Variants in ARFGEF2 observed in about 807,000 individuals in gnomAD.
ARFGEF2 encodes ARF guanine nucleotide exchange factor 2, also known as brefeldin A-inhibited guanine nucleotide-exchange protein 2.
A neutral mutation model predicts 219.9 loss-of-function variants in ARFGEF2; 74 were observed. The ratio of observed to expected loss-of-function variants is 0.34; its 90% CI spans 0.28 to 0.41. The LOEUF is 0.41. ARFGEF2 is among the 10% of genes least tolerant of loss of function. ARFGEF2 has a pLI of 1.00. For missense variants in ARFGEF2, 1,743 were observed against 2,218.3 expected, an observed-to-expected ratio of 0.79 and a Z score of 4.30; for synonymous variants, 733 against 799.2, an observed-to-expected ratio of 0.92 and a Z score of 1.40.
At chr20:49,019,071 G>C (rs2091548371) in intron 34 of ARFGEF2, 73 bp downstream of exon 34, 2 of 1,267,384 alleles carry the variant, frequency 1.6e-6, no homozygotes, top group African/African-American at 3.0e-5. Flanking sequence ...AGGCACAAAA[G>C]GGTAAACATG....
intron 3 of ARFGEF2, among the ~76,000 whole-genome samples, chr20:48,946,477 TTA>T (rs35152962): frequency 0.35 from 50,868 of 145,076 alleles, 9,356 homozygotes; most frequent in African/African-American, 0.5. Context: ...CATATCAATT[TTA>T]TATATATATA....
chr20:48,989,252 G>A, intron 18 of ARFGEF2, 33 bp from the exon 19 acceptor site: 1 of 1,613,672 alleles, frequency 6.2e-7, no homozygotes, highest in South Asian at 1.1e-5. Flanking sequence ...CTCAGTGACT[G>A]CTAGCCACAC....
At chr20:49,016,507 A>T in intron 31 of ARFGEF2, 92 bp downstream of exon 31, 2 of 1,362,078 alleles carry the variant, frequency 1.5e-6, no homozygotes, top group Non-Finnish European at 2.1e-6. Flanking sequence ...ATGTAGTGCC[A>T]TGGAGTACAA....
rs190093019 is a variant in ARFGEF2, at chr20:49,006,206, A to G, written c.3584+985A>G. 3.4e-4 allele frequency among the ~76,000 whole-genome samples: 52 copies of G among 152,236 alleles called. 2 individuals carry two copies. The East Asian group carries it at 9.9e-3, about 29-fold the overall frequency. ...CTACTCAGGAGACTGAGGCAGGAGA[A>G]TCGCTTGAACCCGGGAGGTGGAGGT... is the stretch of plus-strand genomic sequence containing the variant. On this transcript the variant is annotated intron_variant, in intron 26 of 38. Coordinates refer to ENST00000371917, the MANE Select transcript of ARFGEF2 (RefSeq NM_006420.3).
chr20:48,955,322 T>G (rs1386905805), intron 6 of ARFGEF2, among the ~76,000 whole-genome samples: 2 of 152,230 alleles, frequency 1.3e-5, no homozygotes, highest in Non-Finnish European at 2.9e-5. Flanking sequence ...CAGTTCAGAC[T>G]GAGAGAGGCT....
At chr20:48,998,653 A>C (rs2091406466) in intron 25 of ARFGEF2, 148 bp downstream of exon 25, 1 of 758,618 alleles carries the variant, frequency 1.3e-6, no homozygotes, top group Admixed American at 2.5e-5. Flanking sequence ...GCTTGATAGG[A>C]GTAATATCAT....
At chr20:48,971,487 C>A in intron 10 of ARFGEF2, 133 bp downstream of exon 10, 2 of 857,012 alleles carry the variant, frequency 2.3e-6, no homozygotes, top group Non-Finnish European at 3.6e-6. Context: ...TGTTTCATAT[C>A]TTACCATCCT....
At chr20:48,953,435 C>A in intron 5 of ARFGEF2, 121 bp from the exon 6 acceptor site, 1 of 924,296 alleles carries the variant, frequency 1.1e-6, no homozygotes, top group Non-Finnish European at 1.8e-6. Context: ...CTCAGCCTTC[C>A]AAAGTGCTGA....
intron 14 of ARFGEF2, among the ~76,000 whole-genome samples, chr20:48,980,382 G>C (rs1341919148): frequency 2.0e-5 from 3 of 152,234 alleles, no homozygotes; most frequent in African/African-American, 7.2e-5. Flanking sequence ...TGCATTTGCT[G>C]AGGAGTGCTT....
At chr20:48,979,751 G>A (rs1052761880) in intron 14 of ARFGEF2, among the ~76,000 whole-genome samples, 3 of 152,178 alleles carry the variant, frequency 2.0e-5, no homozygotes, top group East Asian at 1.9e-4. Flanking sequence ...AGATTTTCTA[G>A]TTTATTTGCG....
At chr20:48,936,024 C>T (rs1281887521) in intron 1 of ARFGEF2, among the ~76,000 whole-genome samples, 8 of 136,250 alleles carry the variant, frequency 5.9e-5, no homozygotes, top group South Asian at 2.4e-4. Context: ...TAGGGGCGGC[C>T]GGGCAGAGGC....
chr20:49,014,068 C>T, intron 30 of ARFGEF2, 108 bp downstream of exon 30: 1 of 1,448,380 alleles, frequency 6.9e-7, no homozygotes, highest in Non-Finnish European at 9.6e-7. Context: ...TTCTTAAATA[C>T]TGAGCAACTT....
At chr20:48,972,929 T>C (rs1189104189) in intron 11 of ARFGEF2, among the ~76,000 whole-genome samples, 1 of 152,168 alleles carries the variant, frequency 6.6e-6, no homozygotes, top group Non-Finnish European at 1.5e-5. Context: ...ATGGGTGGAA[T>C]GAACTGCCTG....
chr20:48,921,884 G>A lies in ARFGEF2; in HGVS notation c.-6G>A. 3 of 1,541,574 alleles carry A rather than the reference G, an allele frequency of 1.9e-6. No homozygotes were observed. The highest frequency in any genetic ancestry group is 1.4e-5 in the African/African-American group (1 of 71,828). On this transcript the variant is annotated 5_prime_UTR_variant, in exon 1 of 39. Coordinates refer to ENST00000371917, the MANE Select transcript of ARFGEF2 (RefSeq NM_006420.3). Reference sequence around the variant, plus strand: ...CGGGGCCGTCAGCCCCCGCCGGGCCGGGGCCATGCAGGAGAGCCAGACCAA... The same window carrying A: ...CGGGGCCGTCAGCCCCCGCCGGGCCAGGGCCATGCAGGAGAGCCAGACCAA...
At chr20:48,988,178 ACT>A in intron 16 of ARFGEF2, 124 bp from the exon 17 acceptor site, 2 of 719,938 alleles carry the variant, frequency 2.8e-6, no homozygotes, top group East Asian at 5.4e-5. Context: ...AAGCGTAAAA[ACT>A]CTTGCCTCAT....
At position 49,006,772 on chromosome 20, in the gene ARFGEF2, G is replaced by A. The variant is rs1600538930; in HGVS notation, c.3584+1551G>A. Among the ~76,000 whole-genome samples, 5 of 152,330 alleles carry A rather than the reference G, an allele frequency of 3.3e-5. No individual in the cohort carries two copies. In the South Asian group the frequency reaches 1.0e-3, roughly 32 times the overall value. ...GGAGGGAACAAGGCAGGTAGTAGAA[G>A]GTGAAGTCCCTCCCAGTGGTGGCAG... On this transcript the variant is annotated intron_variant, in intron 26 of 38. Coordinates refer to ENST00000371917, the MANE Select transcript of ARFGEF2 (RefSeq NM_006420.3).
At chr20:48,933,841 CG>C (rs1012637389) in intron 1 of ARFGEF2, among the ~76,000 whole-genome samples, 42 of 151,956 alleles carry the variant, frequency 2.8e-4, no homozygotes, top group African/African-American at 1.0e-3. Flanking sequence ...GGAAGTTGGC[CG>C]GGTGCGGTGG....
At chr20:48,992,926 T>TGTA (rs2091365416) in intron 21 of ARFGEF2, among the ~76,000 whole-genome samples, 2 of 152,260 alleles carry the variant, frequency 1.3e-5, no homozygotes, top group South Asian at 4.1e-4. Context: ...GGTTCATGCC[T>TGTA]GTAGTCCCAG....
Position 49,005,123 on chromosome 20 carries a change from G to A in ARFGEF2, c.3486G>A (p.Arg1162=), listed in dbSNP as rs766162499. 2.5e-6 allele frequency: 4 copies of A among 1,614,112 alleles called. No homozygotes were observed. The highest frequency in any genetic ancestry group is 2.5e-6 in the Non-Finnish European group (3 of 1,180,020). ...DVAIFAVDSL[R]QLSMKFLEKG... ...CTATCTTTGCTGTTGACTCATTAAG[G>A]CAACTCTCCATGAAGTTTCTTGAGA... The change falls in exon 26 of 39, where the codon AGG becomes AGA. Residue 1162 remains arginine, a synonymous_variant. Transcript: ENST00000371917.
Sources: gnomAD v4.1 joint callset for allele counts (sites outside exome capture counted in the v4.1 genomes callset) on GRCh38, gnomAD v4.1.1 for gene constraint, MANE v1.5 for transcripts, NCBI Gene and HGNC (gene_info 2026-07-23, HGNC 2026-07-21) for gene names.